The following RBFOX1 variants were observed in gnomAD, a reference collection of about 807,000 sequenced individuals.
RBFOX1 encodes the protein RNA binding protein fox-1 homolog 1.
A neutral mutation model predicts 57.7 loss-of-function variants in RBFOX1; 8 were observed. That is an observed-to-expected ratio of 0.14 (90% CI 0.08 to 0.25). The LOEUF (loss-of-function observed/expected upper bound fraction) is 0.25. RBFOX1 is among the 10% of genes least tolerant of loss of function. RBFOX1 has a pLI of 1.00. For synonymous variants in RBFOX1, 326 were observed against 222.4 expected, an observed-to-expected ratio of 1.47 and a Z score of -4.15; for missense variants, 611 against 548.5, an observed-to-expected ratio of 1.11 and a Z score of -1.14.
chr16:6,618,798 C>T (rs80033206), intron 2 of RBFOX1, among the ~76,000 whole-genome samples: 1,849 of 152,210 alleles, frequency 0.012, 44 homozygotes, highest in African/African-American at 0.042. Context: ...CCTTGGAGTC[C>T]GTCTGCGTGC....
In RBFOX1 at chr16:6,631,978, A is replaced by G. The variant is rs746452046; in HGVS notation, c.-63-22625A>G. 4.6e-5 allele frequency among the ~76,000 whole-genome samples: 7 copies of G among 152,294 alleles called. No individual in the cohort carries two copies. The East Asian group carries it at 7.7e-4, about 17-fold the overall frequency. ...ATGTTGGGAGCTGGGTTTATTCTCA[A>G]TGGAAGGAGAGGCCATTAGGGTTTC... is the stretch of plus-strand genomic sequence containing the variant. On this transcript the variant is annotated intron_variant, in intron 2 of 15. Coordinates refer to ENST00000550418, the MANE Select transcript of RBFOX1 (RefSeq NM_018723.4).
At chr16:7,600,897 G>T (rs1276751099) in intron 9 of RBFOX1, among the ~76,000 whole-genome samples, 3 of 152,158 alleles carry the variant, frequency 2.0e-5, no homozygotes, top group Non-Finnish European at 4.4e-5. Flanking sequence ...ATGAGCCGTA[G>T]GCTTCTGGAC....
intron 3 of RBFOX1, among the ~76,000 whole-genome samples, chr16:5,794,947 C>T (rs1174593558): frequency 6.6e-6 from 1 of 152,188 alleles, no homozygotes; most frequent in East Asian, 1.9e-4. Flanking sequence ...CCCAGGCACA[C>T]ACCCACTCTC....
chr16:5,366,031 GA>G, intron 1 of RBFOX1: 2 of 490,246 alleles, frequency 4.1e-6, no homozygotes, highest in East Asian at 1.1e-4. Flanking sequence ...TGGCAGCTTT[GA>G]AAATGTCTGT....
chr16:5,581,648 G>C (rs12448136), intron 2 of RBFOX1, among the ~76,000 whole-genome samples: 57,884 of 152,056 alleles, frequency 0.38, 12,782 homozygotes, highest in East Asian at 0.56. Flanking sequence ...TGACATGAAG[G>C]ATGTGTAGGA....
chr16:6,493,015 C>G (rs1050521363), intron 2 of RBFOX1, among the ~76,000 whole-genome samples: 11 of 152,062 alleles, frequency 7.2e-5, no homozygotes, highest in Non-Finnish European at 1.2e-4. Flanking sequence ...TAAGATTACA[C>G]CTTTATTCTT....
chr16:5,645,400 C>T (rs1385903110), intron 3 of RBFOX1, among the ~76,000 whole-genome samples: 5 of 151,904 alleles, frequency 3.3e-5, no homozygotes, highest in African/African-American at 4.8e-5. Flanking sequence ...TGCCAGGGAC[C>T]GAGAGGTTTA....
At chr16:5,301,913 A>T (rs2063816829) in intron 1 of RBFOX1, among the ~76,000 whole-genome samples, 1 of 152,030 alleles carries the variant, frequency 6.6e-6, no homozygotes, top group Non-Finnish European at 1.5e-5. Context: ...GCTTTTGTTG[A>T]TTTTCCCTAT....
At chr16:5,861,399 A>C (rs937948691) in intron 3 of RBFOX1, among the ~76,000 whole-genome samples, 22 of 152,174 alleles carry the variant, frequency 1.4e-4, no homozygotes, top group African/African-American at 4.6e-4. Flanking sequence ...TCCTCCTGTC[A>C]GATTGGGACA....
At chr16:7,314,718 A>T (rs1472621268) in intron 4 of RBFOX1, among the ~76,000 whole-genome samples, 1 of 152,174 alleles carries the variant, frequency 6.6e-6, no homozygotes, top group Non-Finnish European at 1.5e-5. Context: ...CCGTCCTTCT[A>T]TATCATCAAA....
Position 5,335,734 on chromosome 16 carries a change from C to T in RBFOX1, c.219+95629C>T, listed in dbSNP as rs114337302. Among the ~76,000 whole-genome samples, 1,461 of 152,250 alleles carry T rather than the reference C, an allele frequency of 9.6e-3. 23 individuals are homozygous for T. Among genetic ancestry groups the T allele is most frequent in the African/African-American group, 0.033 (1,357 of 41,532 alleles). On this transcript the variant is annotated intron_variant, in intron 1 of 2. Coordinates refer to the RBFOX1 transcript ENST00000585867. ...ATAAGCTTTCTGAGGGCAGAGACTGCGTTTGTCCCATGACTGTATCTTCAG... is the reference window on the plus strand; with the variant it reads ...ATAAGCTTTCTGAGGGCAGAGACTGTGTTTGTCCCATGACTGTATCTTCAG...
intron 15 of RBFOX1, among the ~76,000 whole-genome samples, 160 bp downstream of exon 15, chr16:7,709,291 T>C (rs772975810): frequency 6.6e-6 from 1 of 152,180 alleles, no homozygotes; most frequent in Non-Finnish European, 1.5e-5. Context: ...CCCAGTAAAC[T>C]TGATAAATGT....
Position 6,899,815 on chromosome 16 carries a change from G to T in RBFOX1, c.-15-152242G>T, listed in dbSNP as rs557803179. On this transcript the variant is annotated intron_variant, in intron 3 of 15. Coordinates refer to ENST00000550418, the MANE Select transcript of RBFOX1 (RefSeq NM_018723.4). ...GTATGGACACCTTTTCATTGCAAGAGGAAAGCAAAAGCAGGCAGGAGCATT... is the reference window on the plus strand; with the variant it reads ...GTATGGACACCTTTTCATTGCAAGATGAAAGCAAAAGCAGGCAGGAGCATT... Among the ~76,000 whole-genome samples the T allele has an allele frequency of 9.8e-5, 15 of 152,310 alleles. No homozygotes were observed. In the South Asian group the frequency reaches 2.9e-3, roughly 30 times the overall value.
chr16:5,265,811 A>G (rs796955776), intron 1 of RBFOX1, among the ~76,000 whole-genome samples: 6 of 152,214 alleles, frequency 3.9e-5, no homozygotes, highest in African/African-American at 1.2e-4. Context: ...CTGTGCTTTT[A>G]TGGTGGAGTT....
rs372802518 is a variant in RBFOX1, at chr16:6,457,220, G to C, written c.-64+140163G>C. ...GACAGTCTAAGCACCAGTAGCTAGA[G>C]ATGTCAGAAAATCAGCAGGAAATAG... On this transcript the variant is annotated intron_variant, in intron 2 of 15. Coordinates refer to ENST00000550418, the MANE Select transcript of RBFOX1 (RefSeq NM_018723.4). Among the ~76,000 whole-genome samples the C allele has an allele frequency of 2.6e-5, 4 of 152,306 alleles. No homozygotes were observed. The East Asian group carries it at 5.8e-4, about 22-fold the overall frequency.
chr16:6,460,666 A>G (rs866611217), intron 2 of RBFOX1, among the ~76,000 whole-genome samples: 12 of 152,326 alleles, frequency 7.9e-5, no homozygotes, highest in Middle Eastern at 3.4e-3. Context: ...AATTCATTCA[A>G]CCATTGTGGA....
At chr16:7,165,758 G>A (rs965417286) in intron 4 of RBFOX1, among the ~76,000 whole-genome samples, 11 of 151,868 alleles carry the variant, frequency 7.2e-5, no homozygotes, top group African/African-American at 2.2e-4. Context: ...ATTTAACTTT[G>A]TTCTCCAATT....
At chr16:6,122,200 C>A (rs1227477012) in intron 1 of RBFOX1, among the ~76,000 whole-genome samples, 1 of 152,164 alleles carries the variant, frequency 6.6e-6, no homozygotes, top group African/African-American at 2.4e-5. Context: ...GCCACTGTGC[C>A]TGGCCCTTTT....
chr16:6,279,605 G>A (rs751214952), intron 1 of RBFOX1, among the ~76,000 whole-genome samples: 7 of 152,116 alleles, frequency 4.6e-5, no homozygotes, highest in Admixed American at 2.0e-4. Context: ...CTTGGAGAAG[G>A]AACACTGAGA....
Sources: allele counts gnomAD v4.1 joint callset (sites outside exome capture counted in the v4.1 genomes callset), GRCh38; gene constraint gnomAD v4.1.1; transcripts MANE v1.5; gene names NCBI Gene and HGNC (gene_info 2026-07-23, HGNC 2026-07-21).